Variants in COL11A1 observed in about 807,000 individuals in gnomAD.
COL11A1 encodes collagen alpha-1(XI) chain.
In COL11A1, 74 loss-of-function variants were observed where a neutral mutation model predicts 265.2. The ratio of observed to expected loss-of-function variants is 0.28; its 90% CI spans 0.23 to 0.34. The LOEUF (loss-of-function observed/expected upper bound fraction) is 0.34. Among genes scored for constraint, COL11A1 ranks in the 10% least tolerant of loss-of-function variants. The pLI is 1.00. For synonymous variants in COL11A1, 816 were observed against 727.6 expected (o/e 1.12, Z -1.96); for missense variants, 2,165 against 2,263.6 (o/e 0.96, Z 0.88).
chr1:102,938,974 T>A, intron 44 of COL11A1, 61 bp downstream of exon 44: 1 of 1,439,862 alleles, frequency 6.9e-7, no homozygotes, highest in Non-Finnish European at 9.8e-7. Flanking sequence ...AAAATATCAA[T>A]GGTAAACAGT....
chr1:103,009,748 G>A (rs1665946501), intron 14 of COL11A1, among the ~76,000 whole-genome samples: 1 of 152,040 alleles, frequency 6.6e-6, no homozygotes, highest in Non-Finnish European at 1.5e-5. Context: ...TAGTCTCCTG[G>A]TGACTCCAAA....
At chr1:102,945,097 A>G (rs1330331974) in intron 42 of COL11A1, among the ~76,000 whole-genome samples, 1 of 152,174 alleles carries the variant, frequency 6.6e-6, no homozygotes, top group Non-Finnish European at 1.5e-5. Flanking sequence ...CACCAAAAAA[A>G]CATCTTTTGG....
In COL11A1 at chr1:102,965,544, A is replaced by G; in HGVS notation, c.2863-4T>C. 1 of 1,612,908 alleles carries G rather than the reference A, an allele frequency of 6.2e-7. No individual in the cohort carries two copies. Among genetic ancestry groups the G allele is most frequent in the Non-Finnish European group, 8.5e-7 (1 of 1,179,036 alleles). On this transcript the variant is annotated splice_polypyrimidine_tract_variant and splice_region_variant and intron_variant, in intron 37 of 66. Transcript: ENST00000370096. ...GGCCGGTCTTGCCTTGAAATCCCTA[A>G]GGAGGCAAAGTATTATTTGTAAAAG...
intron 3 of COL11A1, among the ~76,000 whole-genome samples, chr1:103,077,536 T>C (rs1672070912): frequency 6.6e-6 from 1 of 152,090 alleles, no homozygotes; most frequent in Non-Finnish European, 1.5e-5. Context: ...CCTAAAGTTG[T>C]AAAGTCTCAG....
intron 29 of COL11A1, among the ~76,000 whole-genome samples, chr1:102,988,546 T>C (rs1368041871): frequency 1.3e-5 from 2 of 152,162 alleles, no homozygotes; most frequent in African/African-American, 4.8e-5. Context: ...TTACAGTCTG[T>C]TGAAAGTCAG....
chr1:102,979,626 A>G, intron 31 of COL11A1, 191 bp from the exon 32 acceptor site: 1 of 680,910 alleles, frequency 1.5e-6, no homozygotes, highest in Non-Finnish European at 2.7e-6. Flanking sequence ...GAAGCATTGA[A>G]AGCACAAATT....
intron 4 of COL11A1, among the ~76,000 whole-genome samples, chr1:103,061,541 A>C (rs1030241092): frequency 6.6e-6 from 1 of 152,126 alleles, no homozygotes; most frequent in African/African-American, 2.4e-5. Flanking sequence ...ACATAATCCA[A>C]TAACTGCTCT....
At chr1:102,964,707 A>T (rs1317647545) in intron 38 of COL11A1, among the ~76,000 whole-genome samples, 1 of 151,950 alleles carries the variant, frequency 6.6e-6, no homozygotes, top group African/African-American at 2.4e-5. Flanking sequence ...CAGAGAAAAG[A>T]CTAAACCAAT....
chr1:103,000,887 C>G, intron 24 of COL11A1: 1 of 330,638 alleles, frequency 3.0e-6, no homozygotes. Flanking sequence ...GTAAACAGAA[C>G]CTGGTATACC....
In COL11A1 at chr1:102,886,677, AG is replaced by A. The variant is rs2100838747; in HGVS notation, c.4858+129del. 4 of 1,317,486 alleles carry A rather than the reference AG, an allele frequency of 3.0e-6. No homozygotes were observed. In the Admixed American group the frequency reaches 7.0e-5, roughly 23 times the overall value. The allele number at this position is 1,317,486 out of a possible 1,614,324, so 81.6% of individuals were successfully genotyped here. On this transcript the variant is annotated intron_variant, in intron 63 of 66. Coordinates refer to ENST00000370096, the MANE Select transcript of COL11A1 (RefSeq NM_001854.4). ...GTATAAATGATTTTTTCTGTCTAGA[AG>A]ATAATTAATAACTGTTTCATTTTAT...
chr1:103,063,029 A>G (rs1200599140), intron 4 of COL11A1, among the ~76,000 whole-genome samples: 1 of 151,998 alleles, frequency 6.6e-6, no homozygotes, highest in African/African-American at 2.4e-5. Context: ...TATAAGATCT[A>G]TATGAAGAAA....
chr1:102,920,334 A>C lies in COL11A1; in HGVS notation c.3739T>G (p.Ser1247Ala). The change falls in exon 49 of 67, where the codon TCA becomes GCA. Residue 1247 changes from serine (S) to alanine (A), a missense_variant. Coordinates refer to ENST00000370096, the MANE Select transcript of COL11A1 (RefSeq NM_001854.4). ...ACCTTTTCTCCAACACCACCAACTG[A>C]ACCAACAGACCCTGGGGGTCCTTGT... ...GPQGPPGSVG[S>A]VGGVGEKGEP... is the part of the protein sequence containing the mutation. 6.2e-7 allele frequency: 1 copy of C among 1,613,386 alleles called. No homozygotes were observed.
intron 35 of COL11A1, 66 bp downstream of exon 35, chr1:102,978,642 C>A: frequency 1.9e-6 from 3 of 1,544,528 alleles, no homozygotes; most frequent in South Asian, 1.1e-5. Context: ...TATCTTTTCT[C>A]TGAAATCTAA....
At position 103,021,783 on chromosome 1, in the gene COL11A1, T is replaced by A; in HGVS notation, c.1246-14A>T. 6.4e-7 allele frequency: 1 copy of A among 1,572,498 alleles called. No homozygotes were observed. Among genetic ancestry groups the A allele is most frequent in the Non-Finnish European group, 8.8e-7 (1 of 1,142,108 alleles). On this transcript the variant is annotated splice_polypyrimidine_tract_variant and intron_variant, in intron 8 of 66. Transcript: ENST00000370096. The stretch of plus-strand genomic sequence containing the variant: ...ATGGCCATTTATCTGTTGAATGAAA[T>A]ATTCAAAACAGCCTAAATGTCTGTA...
chr1:102,975,677 C>T (rs375030468), intron 35 of COL11A1, among the ~76,000 whole-genome samples: 7 of 151,930 alleles, frequency 4.6e-5, no homozygotes, highest in East Asian at 1.9e-4. Flanking sequence ...ATGCCCAGAA[C>T]GTAATAGTTA....
intron 2 of COL11A1, 98 bp downstream of exon 2, chr1:103,082,707 T>C (rs1337580345): frequency 4.7e-6 from 5 of 1,061,566 alleles, no homozygotes; most frequent in Admixed American, 2.0e-5. Context: ...CTGATAAAAA[T>C]ACTAATTAGT....
At chr1:102,962,624 C>G in intron 39 of COL11A1, 29 bp downstream of exon 39, 1 of 1,606,552 alleles carries the variant, frequency 6.2e-7, no homozygotes, top group East Asian at 2.2e-5. Context: ...AGTTTTGGGC[C>G]AAAAAAAGTT....
At chr1:103,029,529 G>C (rs1237454042) in intron 5 of COL11A1, among the ~76,000 whole-genome samples, 1 of 151,696 alleles carries the variant, frequency 6.6e-6, no homozygotes, top group East Asian at 1.9e-4. Flanking sequence ...TTTAGAGTTA[G>C]AGAAAAAAGG....
At chr1:103,024,835 A>G (rs565736211) in intron 7 of COL11A1, among the ~76,000 whole-genome samples, 88 of 152,224 alleles carry the variant, frequency 5.8e-4, no homozygotes, top group African/African-American at 2.0e-3. Flanking sequence ...ATTTCCTGAT[A>G]AAATTATACC....
Sources: allele counts gnomAD v4.1 joint callset (sites outside exome capture counted in the v4.1 genomes callset), GRCh38; gene constraint gnomAD v4.1.1; transcripts MANE v1.5; gene names NCBI Gene and HGNC (gene_info 2026-07-23, HGNC 2026-07-21).